The following CLINT1 variants were observed in gnomAD, a reference collection of about 807,000 sequenced individuals.
CLINT1 encodes clathrin interactor 1.
In CLINT1, 15 loss-of-function variants were observed where a neutral mutation model predicts 70.4. That is an observed-to-expected ratio of 0.21 (90% CI 0.14 to 0.33). The LOEUF (loss-of-function observed/expected upper bound fraction) is 0.33. Among genes scored for constraint, CLINT1 ranks in the 10% least tolerant of loss-of-function variants. The probability of loss-of-function intolerance (pLI) is 1.00; values close to 1 mark genes in which losing one functional copy is unlikely to be tolerated. For synonymous variants in CLINT1, 227 were observed against 254.7 expected (o/e 0.89, Z 1.04); for missense variants, 615 against 778.1 (o/e 0.79, Z 2.49).
chr5:157,822,106 CCCA>C (rs747182269), intron 1 of CLINT1, among the ~76,000 whole-genome samples: 1 of 152,150 alleles, frequency 6.6e-6, no homozygotes, highest in Non-Finnish European at 1.5e-5. Context: ...TCTCATAATT[CCCA>C]CGTGTTGTGG....
Position 157,835,437 on chromosome 5 carries a change from CCT to C in CLINT1, c.42-17892_42-17891del, listed in dbSNP as rs549168554. On this transcript the variant is annotated intron_variant, in intron 1 of 11. Coordinates refer to ENST00000411809, the MANE Select transcript of CLINT1 (RefSeq NM_014666.4). ...CACCAGAGGCTCAAAGGAACCTACCCCTGTGTTTTCCCCTAGGAGCAATGGTT... is the reference window on the plus strand; with the variant it reads ...CACCAGAGGCTCAAAGGAACCTACCCGTGTTTTCCCCTAGGAGCAATGGTT... Among the ~76,000 whole-genome samples, 28 of 152,272 alleles carry C rather than the reference CCT, an allele frequency of 1.8e-4. No individual in the cohort carries two copies. In the South Asian group the frequency reaches 5.6e-3, roughly 30 times the overall value.
intron 1 of CLINT1, among the ~76,000 whole-genome samples, chr5:157,825,314 T>C (rs1008318882): frequency 2.0e-5 from 3 of 152,128 alleles, no homozygotes; most frequent in Admixed American, 6.5e-5. Flanking sequence ...GAGGGAACTC[T>C]AAATTTCTAA....
intron 1 of CLINT1, among the ~76,000 whole-genome samples, chr5:157,830,747 CCTCTCTCTCCCTCTCT>C (rs1314299490): frequency 1.5e-4 from 14 of 91,332 alleles, no homozygotes; most frequent in Admixed American, 8.2e-4. Flanking sequence ...CCTGCCCCTC[CCTCTCTCTCCCTCTCT>C]CTCTCTCTCT....
At chr5:157,816,911 T>A (rs1762737586) in intron 2 of CLINT1, 81 bp from the exon 3 acceptor site, 1 of 998,108 alleles carries the variant, frequency 1.0e-6, no homozygotes, top group African/African-American at 1.6e-5. Context: ...ATTTGGTGTT[T>A]CCCTGAAGAG....
At chr5:157,817,992 A>G (rs776540673) in intron 1 of CLINT1, among the ~76,000 whole-genome samples, 4 of 152,308 alleles carry the variant, frequency 2.6e-5, no homozygotes, top group African/African-American at 9.6e-5. Flanking sequence ...CAGTATCTAT[A>G]TCACATTTTT....
intron 11 of CLINT1, 29 bp from the exon 12 acceptor site, chr5:157,788,021 T>A: frequency 6.5e-7 from 1 of 1,534,610 alleles, no homozygotes; most frequent in Non-Finnish European, 8.9e-7. Context: ...CAGAAGAACT[T>A]TACCACAATA....
chr5:157,832,340 A>T (rs1213182841), intron 1 of CLINT1, among the ~76,000 whole-genome samples: 1 of 152,202 alleles, frequency 6.6e-6, no homozygotes. Flanking sequence ...ATAAAGGTAA[A>T]TTTGAGAAGT....
At chr5:157,788,902 G>A (rs1761810045) in intron 11 of CLINT1, among the ~76,000 whole-genome samples, 1 of 150,238 alleles carries the variant, frequency 6.7e-6, no homozygotes. Flanking sequence ...GGGAGGTGGA[G>A]GCTGCAGTGA....
chr5:157,789,423 G>A lies in CLINT1; in HGVS notation c.1471C>T (p.Pro491Ser). The stretch of plus-strand genomic sequence containing the variant: ...TGGGGTTTGGAAGGCTGCATACCAG[G>A]TAGTAAGTTGTCTAGGCTGATGTTT... ...SVNISLDNLL[P>S]GMQPSKPQQP... Residue 491 changes from proline (P) to serine (S), a missense_variant, in exon 11 of 12, where the codon CCT becomes TCT. By Grantham distance (74) the Pro-to-Ser change is moderately conservative (BLOSUM62 -1). Around this residue, in one of 2 missense-constraint regions of CLINT1, gnomAD observed 374 missense variants for 409.6 expected, o/e 0.91. Transcript: ENST00000411809. 6.2e-7 allele frequency: 1 copy of A among 1,613,980 alleles called. No homozygotes were observed. Among genetic ancestry groups the A allele is most frequent in the Non-Finnish European group, 8.5e-7 (1 of 1,179,868 alleles).
chr5:157,812,342 T>A (rs1453751142), intron 5 of CLINT1, among the ~76,000 whole-genome samples: 1 of 152,110 alleles, frequency 6.6e-6, no homozygotes, highest in East Asian at 1.9e-4. Context: ...AGCAAGAGAT[T>A]GTCAGAGCTC....
chr5:157,836,653 G>A (rs1175278730), intron 1 of CLINT1, among the ~76,000 whole-genome samples: 3 of 152,142 alleles, frequency 2.0e-5, no homozygotes, highest in South Asian at 4.1e-4. Flanking sequence ...CTTCTTCCAT[G>A]TTCTTGCCAC....
chr5:157,787,512 C>A lies in CLINT1; in HGVS notation c.*134G>T. The A allele has an allele frequency of 5.0e-6, 4 of 798,560 alleles. No homozygotes were observed. Among genetic ancestry groups the A allele is most frequent in the Non-Finnish European group, 8.0e-6 (4 of 501,756 alleles). The allele number at this position is 798,560 out of a possible 1,614,324, so 49.5% of individuals were successfully genotyped here. A position where few individuals can be genotyped will look rare whatever the true frequency, so the allele number is the denominator to read the frequency against. ...GGATATTTCACTTTTATAAAACAGC[C>A]TTTTTGGTTCTTTATGTAGATTTAT... is the stretch of plus-strand genomic sequence containing the variant. On this transcript the variant is annotated 3_prime_UTR_variant, in exon 12 of 12. Coordinates refer to ENST00000411809, the MANE Select transcript of CLINT1 (RefSeq NM_014666.4).
intron 8 of CLINT1, among the ~76,000 whole-genome samples, chr5:157,797,137 A>G (rs911486399): frequency 3.3e-5 from 5 of 152,230 alleles, no homozygotes; most frequent in Admixed American, 2.0e-4. Flanking sequence ...AATAAAACCT[A>G]TCAAGTAAAT....
chr5:157,824,208 C>A (rs376938500), intron 1 of CLINT1, among the ~76,000 whole-genome samples: 1 of 152,092 alleles, frequency 6.6e-6, no homozygotes, highest in South Asian at 2.1e-4. Flanking sequence ...GATAATGAAC[C>A]TTGTGATATT....
intron 1 of CLINT1, among the ~76,000 whole-genome samples, chr5:157,854,896 C>T (rs990518611): frequency 2.6e-5 from 4 of 152,096 alleles, no homozygotes; most frequent in African/African-American, 7.2e-5. Flanking sequence ...GTAATCCCAG[C>T]ACTTTGGGAG....
chr5:157,857,565 CAT>C (rs1311169073), intron 1 of CLINT1, among the ~76,000 whole-genome samples: 1 of 152,164 alleles, frequency 6.6e-6, no homozygotes, highest in Non-Finnish European at 1.5e-5. Context: ...CTAATATAAA[CAT>C]ATTCTGTTAA....
Position 157,791,776 on chromosome 5 carries a change from G to T in CLINT1, c.1307C>A (p.Ser436Tyr). Residue 436 changes from serine to tyrosine, a missense_variant, in exon 10 of 12, where the codon TCT (serine) becomes TAT (tyrosine). Physicochemically the swap from Ser to Tyr is moderately radical, Grantham distance 144 (BLOSUM62 -2). This residue lies in a region of CLINT1 where 374 missense variants were observed against 409.6 expected (regional missense o/e 0.91). Coordinates refer to ENST00000411809, the MANE Select transcript of CLINT1 (RefSeq NM_014666.4). ...LMGSSQATMTSSQSMNFSMMS... is the reference protein window; with the variant it reads ...LMGSSQATMTYSQSMNFSMMS... The stretch of plus-strand genomic sequence containing the variant: ...CATAGAGAAATTCATACTCTGGGAA[G>T]ATGTCATGGTTGCCTGGGACGAGCC... The T allele has an allele frequency of 6.2e-7, 1 of 1,614,022 alleles. No individual in the cohort carries two copies. Among genetic ancestry groups the T allele is most frequent in the Non-Finnish European group, 8.5e-7 (1 of 1,179,890 alleles).
chr5:157,788,312 A>G (rs537764195), intron 11 of CLINT1, among the ~76,000 whole-genome samples: 3 of 152,344 alleles, frequency 2.0e-5, no homozygotes, highest in Admixed American at 6.5e-5. Context: ...TGTATAAAAA[A>G]TCTTTCAAAG....
At chr5:157,831,987 C>A (rs765954894) in intron 1 of CLINT1, among the ~76,000 whole-genome samples, 3 of 151,852 alleles carry the variant, frequency 2.0e-5, no homozygotes, top group Admixed American at 2.0e-4. Flanking sequence ...TGAGCCAGTG[C>A]GCCAGGCCAC....
Sources: allele counts gnomAD v4.1 joint callset (sites outside exome capture counted in the v4.1 genomes callset), GRCh38; gene constraint gnomAD v4.1.1; regional missense constraint gnomAD v4.1.1; transcripts MANE v1.5; gene names NCBI Gene and HGNC (gene_info 2026-07-23, HGNC 2026-07-21).